ANO6: variants seen among roughly 807,000 people sequenced by gnomAD.
The protein encoded by ANO6 is anoctamin 6, also known as anoctamin-6.
In ANO6, 106 loss-of-function variants were observed where a neutral mutation model predicts 117.5. That is an observed-to-expected ratio of 0.90 (90% CI 0.77 to 1.06). The LOEUF is 1.06. Ranked by LOEUF, ANO6 falls within the 50% of genes least tolerant of loss-of-function variation. ANO6 has a pLI of 0.00. For synonymous variants in ANO6, 367 were observed against 385.1 expected (o/e 0.95, Z 0.55); for missense variants, 955 against 1,121.1 (o/e 0.85, Z 2.12).
chr12:45,335,755 A>C (rs565243470), intron 3 of ANO6: 1 of 152,062 alleles, frequency 6.6e-6, no homozygotes, highest in East Asian at 1.9e-4. Context: ...ATTTTTATTA[A>C]CTTTTTCCAA....
At chr12:45,228,950 A>G (rs1947530690) in intron 1 of ANO6, among the ~76,000 whole-genome samples, 1 of 152,098 alleles carries the variant, frequency 6.6e-6, no homozygotes, top group South Asian at 2.1e-4. Context: ...TCTCAGAACT[A>G]TGGTAATGCT....
chr12:45,375,950 T>C (rs1942001219), intron 9 of ANO6, among the ~76,000 whole-genome samples: 1 of 148,334 alleles, frequency 6.7e-6, no homozygotes, highest in Admixed American at 6.7e-5. Flanking sequence ...TTTCGCAACC[T>C]ACTCATCTGA....
At chr12:45,216,732 G>C (rs924167090) in intron 1 of ANO6, among the ~76,000 whole-genome samples, 1 of 152,246 alleles carries the variant, frequency 6.6e-6, no homozygotes, top group Admixed American at 6.5e-5. Context: ...GACTCGCAGA[G>C]TGCTAGGGTT....
intron 19 of ANO6, among the ~76,000 whole-genome samples, chr12:45,438,198 C>T (rs1026845255): frequency 6.6e-6 from 1 of 151,898 alleles, no homozygotes; most frequent in African/African-American, 2.4e-5. Flanking sequence ...TGTGATAAGG[C>T]CTGCTGTGGT....
chr12:45,320,947 C>T (rs1198213000), intron 2 of ANO6, among the ~76,000 whole-genome samples: 9 of 151,872 alleles, frequency 5.9e-5, no homozygotes, highest in East Asian at 3.9e-4. Context: ...CAACCCCTGC[C>T]TTTTTTTGTT....
intron 1 of ANO6, among the ~76,000 whole-genome samples, chr12:45,284,537 G>A (rs1938845610): frequency 6.6e-6 from 1 of 152,210 alleles, no homozygotes; most frequent in African/African-American, 2.4e-5. Context: ...TAAAAGGGGT[G>A]TTGTTTGCTG....
Position 45,421,188 on chromosome 12 carries a change from ACTCT to A in ANO6, c.2339_2342del (p.Leu780ProfsTer50), listed in dbSNP as rs1459460059. 2 of 1,613,772 alleles carry A rather than the reference ACTCT, an allele frequency of 1.2e-6. No homozygotes were observed. Among genetic ancestry groups the A allele is most frequent in the African/African-American group, 1.3e-5 (1 of 74,812 alleles). On this transcript the variant is annotated frameshift_variant, in exon 18 of 20. Transcript: ENST00000320560. LOFTEE classifies it high-confidence loss of function. ...CACCATGGAAGGGTACATCAACAAC[ACTCT>A]CTCCATCTTCAAAGTCGCAGACTTC...
At chr12:45,371,671 TAACA>T (rs1161140745) in intron 9 of ANO6, among the ~76,000 whole-genome samples, 4 of 151,928 alleles carry the variant, frequency 2.6e-5, no homozygotes, top group Non-Finnish European at 5.9e-5. Context: ...GAAGGAAAAC[TAACA>T]AACAGAAAGG....
At chr12:45,281,742 C>A (rs1457075295) in intron 1 of ANO6, among the ~76,000 whole-genome samples, 1 of 152,166 alleles carries the variant, frequency 6.6e-6, no homozygotes, top group African/African-American at 2.4e-5. Flanking sequence ...CCATATCATT[C>A]CCCATTACAG....
chr12:45,414,063 C>CT (rs1212664425), intron 16 of ANO6, among the ~76,000 whole-genome samples: 17 of 152,134 alleles, frequency 1.1e-4, no homozygotes, highest in Admixed American at 9.8e-4. Flanking sequence ...CATGCAGCCA[C>CT]TGGCAAAGTT....
intron 10 of ANO6, among the ~76,000 whole-genome samples, chr12:45,387,089 C>A (rs1942319033): frequency 6.6e-6 from 1 of 152,086 alleles, no homozygotes; most frequent in African/African-American, 2.4e-5. Context: ...CTCTTTATTC[C>A]CAGCTGATAG....
intron 12 of ANO6, among the ~76,000 whole-genome samples, chr12:45,397,621 G>A (rs1229414343): frequency 6.6e-6 from 1 of 152,216 alleles, no homozygotes; most frequent in East Asian, 1.9e-4. Context: ...TTAAGAAAAT[G>A]TGGCACATAT....
chr12:45,348,328 C>A lies in ANO6; in HGVS notation c.633+13C>A, dbSNP rs1366043182. ...CAGAAGCCGCATTGTAAGTCTAAACCAAATTTAGTTGCTGTCTTGGGGTAA... is the reference window on the plus strand; with the variant it reads ...CAGAAGCCGCATTGTAAGTCTAAACAAAATTTAGTTGCTGTCTTGGGGTAA... On this transcript the variant is annotated intron_variant, in intron 5 of 19. Coordinates refer to ENST00000320560, the MANE Select transcript of ANO6 (RefSeq NM_001025356.3). 3 of 1,613,918 alleles carry A rather than the reference C, an allele frequency of 1.9e-6. No homozygotes were observed. In the South Asian group the frequency reaches 3.3e-5, roughly 18 times the overall value.
chr12:45,439,383 T>C (rs1943744819), intron 19 of ANO6, among the ~76,000 whole-genome samples: 1 of 152,206 alleles, frequency 6.6e-6, no homozygotes, highest in African/African-American at 2.4e-5. Context: ...TCATCTGCGG[T>C]GTGGTTCTCA....
chr12:45,251,445 C>T (rs934539754), intron 1 of ANO6, among the ~76,000 whole-genome samples: 8 of 152,180 alleles, frequency 5.3e-5, no homozygotes, highest in Admixed American at 3.9e-4. Flanking sequence ...CAGTCTGATT[C>T]AAGATGGCAT....
At chr12:45,348,479 A>G (rs749444371) in intron 5 of ANO6, 39 bp from the exon 6 acceptor site, 1 of 1,551,016 alleles carries the variant, frequency 6.4e-7, no homozygotes. Flanking sequence ...GGTTAATTAC[A>G]CTATATAAAC....
At chr12:45,326,894 A>G (rs1422907178) in intron 2 of ANO6, among the ~76,000 whole-genome samples, 2 of 152,168 alleles carry the variant, frequency 1.3e-5, no homozygotes, top group African/African-American at 4.8e-5. Flanking sequence ...GGAACCTCTC[A>G]TAACCAGTCT....
rs374499124 is a variant in ANO6, at chr12:45,231,225, C to G, written c.70+14834C>G. ...CTTATTAAAAGAGATTAATATAATACCAGGCAAAATGAACACACAAGTTAT... is the reference window on the plus strand; with the variant it reads ...CTTATTAAAAGAGATTAATATAATAGCAGGCAAAATGAACACACAAGTTAT... On this transcript the variant is annotated intron_variant, in intron 1 of 19. Transcript: ENST00000320560. Among the ~76,000 whole-genome samples the G allele has an allele frequency of 8.5e-5, 13 of 152,220 alleles. No homozygotes were observed. In the South Asian group the frequency reaches 2.5e-3, roughly 29 times the overall value.
rs1942592424 is a variant in ANO6 at position 45,395,701 on chromosome 12, A to G, written c.1386+5203A>G. 1.3e-5 allele frequency among the ~76,000 whole-genome samples: 2 copies of G among 152,226 alleles called. 1 individual carries two copies. The highest frequency in any genetic ancestry group is 1.3e-4 in the Admixed American group (2 of 15,284). ...GCTGGTTCAACATATGCAAATCAAT[A>G]AACGTAATCTATCACATAAACAGAT... On this transcript the variant is annotated intron_variant, in intron 12 of 19. Transcript: ENST00000320560.
Sources: allele counts gnomAD v4.1 joint callset (sites outside exome capture counted in the v4.1 genomes callset), GRCh38; gene constraint gnomAD v4.1.1; transcripts MANE v1.5; gene names NCBI Gene and HGNC (gene_info 2026-07-23, HGNC 2026-07-21).